The following ZNF469 variants were observed in gnomAD, a reference collection of about 807,000 sequenced individuals.
ZNF469 encodes zinc finger protein 469.
Under a neutral mutation model 1.0 loss-of-function variants are expected in ZNF469, and 1 was observed. That is an observed-to-expected ratio of 1.00 (90% CI 0.35 to 4.73). The LOEUF is 4.73. Among genes scored for constraint, ZNF469 ranks in the 30% most tolerant of loss-of-function variants. The probability of loss-of-function intolerance (pLI) is 0.16; values close to 1 mark genes in which losing one functional copy is unlikely to be tolerated. For missense variants in ZNF469, 6,100 were observed against 5,356.3 expected, an observed-to-expected ratio of 1.14 and a Z score of -4.33; for synonymous variants, 2,703 against 2,363.4, an observed-to-expected ratio of 1.14 and a Z score of -4.17.
Position 88,418,845 on chromosome 16 carries a change from C to T in ZNF469, c.-191-5962C>T, listed in dbSNP as rs113568702. On this transcript the variant is annotated intron_variant, in intron 1 of 2. Transcript: ENST00000565624. ...AGATAGTTTTTAAGCAAAGCGGCAG[C>T]GTTTGAAGCAAAAGGAAAGGAGAAT... 6.9e-3 allele frequency among the ~76,000 whole-genome samples: 1,056 copies of T among 152,336 alleles called. 17 individuals are homozygous for T. The highest frequency in any genetic ancestry group is 0.024 in the African/African-American group (1,003 of 41,572).
the ZNF469 span, among the ~76,000 whole-genome samples, chr16:88,300,254 C>T: frequency 2.6e-5 from 4 of 152,308 alleles, no homozygotes; most frequent in East Asian, 1.9e-4. Flanking sequence ...CAGTTCGCAA[C>T]AGTCCTGCCC....
At chr16:88,405,164 G>A (rs933467916) in intron 1 of ZNF469, among the ~76,000 whole-genome samples, 1 of 152,186 alleles carries the variant, frequency 6.6e-6, no homozygotes, top group African/African-American at 2.4e-5. Flanking sequence ...TCCACACAGA[G>A]GGGACATTTG....
At chr16:88,243,930 AT>A in the ZNF469 span, among the ~76,000 whole-genome samples, 23 of 96,634 alleles carry the variant, frequency 2.4e-4, 1 homozygote, top group Admixed American at 9.6e-4. Context: ...ATATATATAT[AT>A]ATATATATAT....
At chr16:88,107,042 G>C in the ZNF469 span, among the ~76,000 whole-genome samples, 1 of 152,210 alleles carries the variant, frequency 6.6e-6, no homozygotes, top group Non-Finnish European at 1.5e-5. Context: ...TCTGCCTTTG[G>C]GGCGTGCTGG....
chr16:88,350,809 A>G, the ZNF469 span, among the ~76,000 whole-genome samples: 16 of 152,332 alleles, frequency 1.1e-4, no homozygotes, highest in Middle Eastern at 6.8e-3. Context: ...TGAGCCCAGC[A>G]ATGCAGGCCT....
At chr16:88,246,895 ATGAG>A in the ZNF469 span, among the ~76,000 whole-genome samples, 2 of 148,882 alleles carry the variant, frequency 1.3e-5, no homozygotes. Flanking sequence ...GAGTGAGTGA[ATGAG>A]TGAATGAGTC....
At chr16:88,288,460 C>G in the ZNF469 span, among the ~76,000 whole-genome samples, 3 of 152,192 alleles carry the variant, frequency 2.0e-5, no homozygotes, top group African/African-American at 7.2e-5. Context: ...ATCCACCTAT[C>G]CAAATCTATC....
the ZNF469 span, among the ~76,000 whole-genome samples, chr16:88,312,971 T>TA: frequency 0.076 from 11,539 of 152,260 alleles, 571 homozygotes; most frequent in South Asian, 0.19. Flanking sequence ...GTTCCAGAAA[T>TA]AATTGTTGGT....
At chr16:88,402,464 G>C (rs891326247) in intron 1 of ZNF469, among the ~76,000 whole-genome samples, 3 of 152,096 alleles carry the variant, frequency 2.0e-5, no homozygotes, top group Admixed American at 1.3e-4. Context: ...ACAGTCTGGG[G>C]GCACCAGCTT....
upstream of ZNF469, among the ~76,000 whole-genome samples, chr16:88,380,608 C>A (rs1357786539): frequency 6.7e-6 from 1 of 149,730 alleles, no homozygotes; most frequent in Admixed American, 6.7e-5. Context: ...TGCACTCACA[C>A]ACGCACACAC....
the ZNF469 span, among the ~76,000 whole-genome samples, chr16:88,185,960 C>T: frequency 6.6e-6 from 1 of 152,122 alleles, no homozygotes; most frequent in African/African-American, 2.4e-5. Flanking sequence ...CACACACACA[C>T]GCATACACAC....
At chr16:88,127,609 C>T in the ZNF469 span, among the ~76,000 whole-genome samples, 1 of 152,156 alleles carries the variant, frequency 6.6e-6, no homozygotes, top group African/African-American at 2.4e-5. Flanking sequence ...AGTGGAAAGG[C>T]TGGTGTGATG....
the ZNF469 span, among the ~76,000 whole-genome samples, chr16:88,117,236 T>TGGGGACGTGTGAGAGCC: frequency 4.1e-5 from 6 of 146,522 alleles, no homozygotes; most frequent in African/African-American, 1.5e-4. Flanking sequence ...GTGTGAGAGC[T>TGGGGACGTGTGAGAGCC]GGGGACGTGT....
chr16:88,289,071 G>A, the ZNF469 span, among the ~76,000 whole-genome samples: 2 of 152,056 alleles, frequency 1.3e-5, no homozygotes, highest in East Asian at 3.9e-4. Flanking sequence ...TGATGAGGGT[G>A]ATGATGATGA....
At chr16:88,230,647 G>T in the ZNF469 span, among the ~76,000 whole-genome samples, 1 of 38,884 alleles carries the variant, frequency 2.6e-5, no homozygotes, top group Non-Finnish European at 1.1e-4. Flanking sequence ...ACCAAGGAGT[G>T]GGCAAGTCGG....
the ZNF469 span, among the ~76,000 whole-genome samples, chr16:88,347,852 G>A: frequency 6.6e-6 from 1 of 152,252 alleles, no homozygotes; most frequent in African/African-American, 2.4e-5. Flanking sequence ...CAGGAAGATA[G>A]CAGAGTCCTG....
rs564742614 is a variant in ZNF469, at chr16:88,430,683, G to T, written c.3213G>T (p.Arg1071Ser). Residue 1071 changes from arginine to serine, a missense_variant, in exon 3 of 3, where the codon AGG becomes AGT. Transcript: ENST00000565624. ...GGCGGCTGGGGCGGCGGGCGGGCAGGTGCGGCTCCCTGGCGGCGGGGAGGC... is the reference window on the plus strand; with the variant it reads ...GGCGGCTGGGGCGGCGGGCGGGCAGTTGCGGCTCCCTGGCGGCGGGGAGGC... ...RHRRLGRRAGRCGSLAAGRPR... is the reference protein window; with the variant it reads ...RHRRLGRRAGSCGSLAAGRPR... 1.4e-4 allele frequency: 215 copies of T among 1,490,712 alleles called. 1 individual carries two copies. In the African/African-American group the frequency reaches 2.8e-3, roughly 19 times the overall value. The allele number at this position is 1,490,712 out of a possible 1,614,324, so 92.3% of individuals were successfully genotyped here. A position where few individuals can be genotyped will look rare whatever the true frequency, so the allele number is the denominator to read the frequency against.
At chr16:88,272,903 T>G in the ZNF469 span, among the ~76,000 whole-genome samples, 22 of 144,564 alleles carry the variant, frequency 1.5e-4, no homozygotes, top group Non-Finnish European at 1.5e-5. Flanking sequence ...GACGGGTGGA[T>G]GAACGGGTGG....
the ZNF469 span, among the ~76,000 whole-genome samples, chr16:88,260,482 C>G: frequency 9.2e-5 from 14 of 152,312 alleles, 1 homozygote; most frequent in African/African-American, 3.4e-4. This position sits in a 1 kb window ranked among gnomAD's most constrained non-coding sequence, Gnocchi z 4.1. Flanking sequence ...AGGTGCTGGT[C>G]TGGGTGCACA....
Sources: gnomAD v4.1 joint callset for allele counts (sites outside exome capture counted in the v4.1 genomes callset) on GRCh38, gnomAD v4.1.1 for gene constraint, Gnocchi (gnomAD v3.1) non-coding constraint, MANE v1.5 for transcripts, NCBI Gene and HGNC (gene_info 2026-07-23, HGNC 2026-07-21) for gene names.